The following TASOR2 variants were observed in gnomAD, a reference collection of about 807,000 sequenced individuals.
TASOR2 encodes transcription activation suppressor family member 2.
A neutral mutation model predicts 199.5 loss-of-function variants in TASOR2; 84 were observed. The ratio of observed to expected loss-of-function variants is 0.42; its 90% confidence interval spans 0.35 to 0.50. The LOEUF is 0.50. TASOR2 is among the 20% of genes least tolerant of loss of function. The pLI is 0.02. For synonymous variants in TASOR2, 1,103 were observed against 1,046.6 expected (o/e 1.05, Z -1.04); for missense variants, 2,796 against 2,835.9 (o/e 0.99, Z 0.32).
chr10:5,695,447 A>G (rs1437529740), intron 1 of TASOR2, among the ~76,000 whole-genome samples: 1 of 152,218 alleles, frequency 6.6e-6, no homozygotes, highest in African/African-American at 2.4e-5. Context: ...ATTAGTATGT[A>G]TTGATTTGGT....
chr10:5,758,788 G>A, intron 17 of TASOR2, 99 bp from the exon 19 acceptor site: 1 of 862,638 alleles, frequency 1.2e-6, no homozygotes, highest in Non-Finnish European at 1.8e-6. Flanking sequence ...GTCTTAGTCT[G>A]TTTTTTTCTT....
chr10:5,729,375 A>C (rs986729049), intron 10 of TASOR2, among the ~76,000 whole-genome samples: 1 of 150,982 alleles, frequency 6.6e-6, no homozygotes, highest in Admixed American at 6.6e-5. Context: ...CAACAAAAAG[A>C]CCAGAGCAAT....
chr10:5,750,355 A>G lies in TASOR2; in HGVS notation c.6606+328A>G, dbSNP rs1837855824. Reference sequence around the variant, plus strand: ...CAGATTTTTTGAAAAGTGGTTGTAGATTGTCCGTTAGTGTGGGTGGTCAAG... The same window carrying G: ...CAGATTTTTTGAAAAGTGGTTGTAGGTTGTCCGTTAGTGTGGGTGGTCAAG... On this transcript the variant is annotated intron_variant, in intron 15 of 20. Coordinates refer to ENST00000328090, the Ensembl canonical transcript of TASOR2. The surrounding 1 kb of genome is among the most constrained non-coding windows in gnomAD (Gnocchi z 5.4). Among the ~76,000 whole-genome samples the G allele has an allele frequency of 6.6e-6, 1 of 152,222 alleles. No individual in the cohort carries two copies. The highest frequency in any genetic ancestry group is 2.1e-4 in the South Asian group (1 of 4,832).
In TASOR2 at chr10:5,698,333, A is replaced by G. The variant is rs10904640; in HGVS notation, c.-288+13158A>G. Among the ~76,000 whole-genome samples the G allele has an allele frequency of 7.5e-3, 1,148 of 152,288 alleles. 13 individuals carry two copies. The highest frequency in any genetic ancestry group is 0.023 in the African/African-American group (961 of 41,552). Reference sequence around the variant, plus strand: ...CCCCAGCTGAGTTAAGCTGAATTCAATGAACACTGTAGAGATGTGAGTGAT... The same window carrying G: ...CCCCAGCTGAGTTAAGCTGAATTCAGTGAACACTGTAGAGATGTGAGTGAT... On this transcript the variant is annotated intron_variant, in intron 1 of 20. Transcript: ENST00000328090. This position sits in a 1 kb window ranked among gnomAD's most constrained non-coding sequence, Gnocchi z 4.4.
At position 5,736,734 on chromosome 10, in the gene TASOR2, G is replaced by A. The variant is rs1835661835; in HGVS notation, c.1447+1188G>A. Among the ~76,000 whole-genome samples the A allele has an allele frequency of 2.6e-5, 4 of 152,264 alleles. No homozygotes were observed. In the South Asian group the frequency reaches 8.3e-4, roughly 32 times the overall value. On this transcript the variant is annotated intron_variant, in intron 12 of 20. Coordinates refer to ENST00000328090, the Ensembl canonical transcript of TASOR2. ...TGTCACCTTAGTGAGACAAATACCA[G>A]CTTTCCTCCTGGATCTACTTTCCTT...
rs548289592 is a variant in TASOR2, at chr10:5,687,750, A to T, written c.-288+2575A>T. ...CAAGAGAATCACTTGAACCTGGGAGACAGGTTGCAGTGAGCCAAGGTTGTG... is the reference window on the plus strand; with the variant it reads ...CAAGAGAATCACTTGAACCTGGGAGTCAGGTTGCAGTGAGCCAAGGTTGTG... On this transcript the variant is annotated intron_variant, in intron 1 of 20. Transcript: ENST00000328090. This position sits in a 1 kb window ranked among gnomAD's most constrained non-coding sequence, Gnocchi z 4.8. Among the ~76,000 whole-genome samples, 1 of 152,332 alleles carries T rather than the reference A, an allele frequency of 6.6e-6. No individual in the cohort carries two copies. The highest frequency in any genetic ancestry group is 2.1e-4 in the South Asian group (1 of 4,832).
chr10:5,725,030 G>C (rs1195873437), intron 8 of TASOR2, among the ~76,000 whole-genome samples: 1 of 152,078 alleles, frequency 6.6e-6, no homozygotes, highest in African/African-American at 2.4e-5. Flanking sequence ...AATGAGGTAG[G>C]TGGTGCAGGC....
Position 5,748,403 on chromosome 10 carries a change from C to G in TASOR2, c.4982C>G (p.Ser1661Cys), listed in dbSNP as rs1216269466. 1.2e-6 allele frequency: 2 copies of G among 1,614,222 alleles called. No homozygotes were observed. Among genetic ancestry groups the G allele is most frequent in the Admixed American group, 3.3e-5 (2 of 60,024 alleles). The change falls in exon 15 of 21, where the codon TCC becomes TGC. Residue 1661 changes from serine (S) to cysteine (C), a missense_variant. Ser to Cys is a moderately radical substitution (Grantham distance 112). Around this residue, in one of 3 missense-constraint regions of TASOR2, gnomAD observed 1,941 missense variants for 1,924.9 expected, o/e 1.01. Transcript: ENST00000328090. The surrounding 1 kb of genome is among the most constrained non-coding windows in gnomAD (Gnocchi z 5.1). ...TCAGTGGTCCCCACGCTTTGTTCTTCCTCAGACAATGCTACATTAACCCAT... is the reference window on the plus strand; with the variant it reads ...TCAGTGGTCCCCACGCTTTGTTCTTGCTCAGACAATGCTACATTAACCCAT...
Position 5,748,869 on chromosome 10 carries a change from C to G in TASOR2, c.5448C>G (p.Val1816=). The G allele has an allele frequency of 6.2e-7, 1 of 1,614,092 alleles. No individual in the cohort carries two copies. Among genetic ancestry groups the G allele is most frequent in the African/African-American group, 1.3e-5 (1 of 75,006 alleles). ...AAACCCTAGGCAGAGATGGAGAGGT[C>G]GGTGTGAATTCCGACATGCACTATG... The change falls in exon 15 of 21, where the codon GTC becomes GTG. Residue 1816 remains valine (V), a synonymous_variant. Transcript: ENST00000328090. The surrounding 1 kb of genome is among the most constrained non-coding windows in gnomAD (Gnocchi z 5.1).
In TASOR2 at chr10:5,735,430, C is replaced by A. The variant is rs758532350; in HGVS notation, c.1331C>A (p.Ser444Tyr). The change falls in exon 12 of 21, where the codon TCT (serine) becomes TAT (tyrosine). Residue 444 changes from serine (S) to tyrosine (Y), a missense_variant. Physicochemically the swap from Ser to Tyr is moderately radical, Grantham distance 144. Around this residue, in one of 3 missense-constraint regions of TASOR2, gnomAD observed 847 missense variants for 887.4 expected, o/e 0.95. Transcript: ENST00000328090. ...AAAAGGGCAAGGAAACAAGAGAAAT[C>A]TCCAGTCAAAACTGTTCCAAGGGCT... 4.3e-6 allele frequency: 7 copies of A among 1,614,136 alleles called. No homozygotes were observed. The South Asian group carries it at 7.7e-5, about 18-fold the overall frequency.
chr10:5,749,948 T>A, exon 15 of TASOR2: 2 of 1,614,134 alleles, frequency 1.2e-6, no homozygotes, highest in Non-Finnish European at 1.7e-6. Flanking sequence ...CTAAGAAGTG[T>A]TGTGAAAGAG....
intron 2 of TASOR2, among the ~76,000 whole-genome samples, chr10:5,717,262 A>G (rs1832780209): frequency 6.6e-6 from 1 of 152,150 alleles, no homozygotes; most frequent in Admixed American, 6.5e-5. Context: ...GTGTATAATA[A>G]TACTTTCAAT....
chr10:5,734,186 A>G (rs1835236806), intron 11 of TASOR2, among the ~76,000 whole-genome samples: 1 of 152,232 alleles, frequency 6.6e-6, no homozygotes, highest in Admixed American at 6.5e-5. Context: ...AACTCTTAAA[A>G]GATTGAAACA....
intron 2 of TASOR2, among the ~76,000 whole-genome samples, 191 bp downstream of exon 2, chr10:5,713,109 G>A (rs867830073): frequency 1.3e-5 from 2 of 152,060 alleles, no homozygotes; most frequent in South Asian, 2.1e-4. Context: ...AACTTTTCAC[G>A]GTTTCTCTTT....
intron 11 of TASOR2, among the ~76,000 whole-genome samples, chr10:5,734,871 A>G (rs1013925771): frequency 6.6e-6 from 1 of 150,914 alleles, no homozygotes; most frequent in African/African-American, 2.4e-5. Flanking sequence ...TAATTTGTTT[A>G]TTTTTTTGTA....
Position 5,727,047 on chromosome 10 carries a change from C to G in TASOR2, c.425-14C>G. 1 of 1,613,960 alleles carries G rather than the reference C, an allele frequency of 6.2e-7. No homozygotes were observed. The highest frequency in any genetic ancestry group is 8.5e-7 in the Non-Finnish European group (1 of 1,179,918). On this transcript the variant is annotated splice_polypyrimidine_tract_variant and intron_variant, in intron 9 of 20. Transcript: ENST00000328090. ...CAACCTAACTTTTCTTCTTCTGATT[C>G]TCATTCTGCATAGATTTTGGAGGCA...
intron 1 of TASOR2, among the ~76,000 whole-genome samples, chr10:5,705,070 A>T (rs1441932912): frequency 6.6e-6 from 1 of 152,194 alleles, no homozygotes; most frequent in African/African-American, 2.4e-5. Flanking sequence ...TGGTAAATGT[A>T]TATACCATGT....
chr10:5,704,540 A>G (rs891973955), intron 1 of TASOR2, among the ~76,000 whole-genome samples: 5 of 152,114 alleles, frequency 3.3e-5, no homozygotes, highest in African/African-American at 4.8e-5. Context: ...GACTAAAGAT[A>G]TATCAATATT....
At position 5,687,877 on chromosome 10, in the gene TASOR2, AC is replaced by A. The variant is rs1835967178; in HGVS notation, c.-288+2704del. On this transcript the variant is annotated intron_variant, in intron 1 of 20. Coordinates refer to ENST00000328090, the Ensembl canonical transcript of TASOR2. The surrounding 1 kb of genome is among the most constrained non-coding windows in gnomAD (Gnocchi z 4.8). ...TATTGGATTATATCAATTGATAATT[AC>A]CGTATTAGATATTAAAACTGATAAA... Among the ~76,000 whole-genome samples, 1 of 152,254 alleles carries A rather than the reference AC, an allele frequency of 6.6e-6. No homozygotes were observed. Among genetic ancestry groups the A allele is most frequent in the African/African-American group, 2.4e-5 (1 of 41,480 alleles).
Sources: gnomAD v4.1 joint callset for allele counts (sites outside exome capture counted in the v4.1 genomes callset) on GRCh38, gnomAD v4.1.1 for gene constraint, gnomAD v4.1.1 regional missense constraint, Gnocchi (gnomAD v3.1) non-coding constraint, MANE v1.5 for transcripts, NCBI Gene and HGNC (gene_info 2026-07-23, HGNC 2026-07-21) for gene names.